Variants in CNTN5 observed in about 807,000 individuals in gnomAD.
CNTN5 encodes the protein contactin-5.
A neutral mutation model predicts 129.1 loss-of-function variants in CNTN5; 77 were observed. The ratio of observed to expected loss-of-function variants is 0.60; its 90% CI spans 0.50 to 0.72. The LOEUF is 0.72. Among genes scored for constraint, CNTN5 ranks in the 30% least tolerant of loss-of-function variants. The pLI is 0.00. For synonymous variants in CNTN5, 509 were observed against 465.6 expected (o/e 1.09, Z -1.20); for missense variants, 1,478 against 1,328.8 (o/e 1.11, Z -1.75).
intron 2 of CNTN5, among the ~76,000 whole-genome samples, chr11:99,517,865 G>A (rs775234206): frequency 2.0e-5 from 3 of 152,078 alleles, no homozygotes; most frequent in African/African-American, 7.2e-5. Flanking sequence ...TTTAGGGTTA[G>A]GACAGGGACA....
At chr11:100,153,187 C>T (rs1271252760) in intron 13 of CNTN5, among the ~76,000 whole-genome samples, 1 of 152,204 alleles carries the variant, frequency 6.6e-6, no homozygotes, top group Admixed American at 6.6e-5. Context: ...TTACATGACA[C>T]TTATTATAAT....
chr11:99,127,737 C>A (rs576148963), intron 1 of CNTN5, among the ~76,000 whole-genome samples: 144 of 152,276 alleles, frequency 9.5e-4, no homozygotes, highest in African/African-American at 3.3e-3. Context: ...AATTGTCCTT[C>A]AAGATATCCA....
At chr11:99,310,862 T>C (rs533290152) in intron 1 of CNTN5, among the ~76,000 whole-genome samples, 5 of 152,214 alleles carry the variant, frequency 3.3e-5, no homozygotes, top group Non-Finnish European at 5.9e-5. Context: ...AATATTTTTC[T>C]GTGTCTATTA....
chr11:99,798,154 A>G (rs1188935231), intron 3 of CNTN5, among the ~76,000 whole-genome samples: 4 of 151,830 alleles, frequency 2.6e-5, no homozygotes, highest in Admixed American at 2.0e-4. Context: ...TTTTCCCTCA[A>G]TGTGTCCATG....
chr11:99,252,921 CTTA>C (rs1352854447), intron 1 of CNTN5, among the ~76,000 whole-genome samples: 1 of 148,160 alleles, frequency 6.7e-6, no homozygotes, highest in Non-Finnish European at 1.5e-5. Context: ...CATTAATATT[CTTA>C]TTATGATGCT....
chr11:100,325,302 C>A (rs1161533763), intron 21 of CNTN5, among the ~76,000 whole-genome samples: 1 of 152,132 alleles, frequency 6.6e-6, no homozygotes, highest in Non-Finnish European at 1.5e-5. Flanking sequence ...AGTGAAATAT[C>A]TGTCCTCTAA....
At chr11:100,057,081 A>C (rs543076503) in intron 9 of CNTN5, among the ~76,000 whole-genome samples, 5 of 151,252 alleles carry the variant, frequency 3.3e-5, no homozygotes, top group Non-Finnish European at 7.4e-5. Flanking sequence ...ATATGTGGCC[A>C]TACGTTTGAT....
At chr11:100,345,133 A>C (rs1565442368) in intron 23 of CNTN5, among the ~76,000 whole-genome samples, 1 of 152,152 alleles carries the variant, frequency 6.6e-6, no homozygotes, top group Non-Finnish European at 1.5e-5. Flanking sequence ...TATTTATAAA[A>C]AACAAAAATT....
rs535915752 is a variant in CNTN5 at position 99,368,714 on chromosome 11, C to A, written c.-71+43230C>A. ...AGAAAATAAGTGCTTAGAAGGAAAA[C>A]AACTTGTTCTAGTTCCCATGGTTAC... On this transcript the variant is annotated intron_variant, in intron 2 of 24. Transcript: ENST00000524871. 1.5e-3 allele frequency among the ~76,000 whole-genome samples: 226 copies of A among 152,160 alleles called. 3 individuals are homozygous for A. Among genetic ancestry groups the A allele is most frequent in the Middle Eastern group, 6.8e-3 (2 of 294 alleles).
chr11:99,777,015 T>A (rs1010419535), intron 3 of CNTN5, among the ~76,000 whole-genome samples: 3 of 151,880 alleles, frequency 2.0e-5, no homozygotes, highest in Non-Finnish European at 2.9e-5. Context: ...ATATTGAGTT[T>A]TTTCATTTGA....
At chr11:99,401,833 A>G (rs1281619111) in intron 2 of CNTN5, among the ~76,000 whole-genome samples, 1 of 137,278 alleles carries the variant, frequency 7.3e-6, no homozygotes, top group East Asian at 2.2e-4. Context: ...GTTTAACTTT[A>G]CTTGTTGCTA....
At position 99,588,111 on chromosome 11, in the gene CNTN5, AGG is replaced by A. The variant is rs1949861093; in HGVS notation, c.55+31843_55+31844del. Among the ~76,000 whole-genome samples the A allele has an allele frequency of 7.2e-5, 11 of 152,272 alleles. No homozygotes were observed. In the South Asian group the frequency reaches 2.3e-3, roughly 32 times the overall value. ...GTAATCCCGGCACTTTGGGAGGCCG[AGG>A]CGGGCGGATCACGATGTCAGGAGAT... On this transcript the variant is annotated intron_variant, in intron 3 of 24. Coordinates refer to ENST00000524871, the MANE Select transcript of CNTN5 (RefSeq NM_014361.4).
At chr11:100,179,393 T>C (rs757193652) in intron 13 of CNTN5, among the ~76,000 whole-genome samples, 2 of 152,064 alleles carry the variant, frequency 1.3e-5, no homozygotes, top group Non-Finnish European at 2.9e-5. Context: ...GGAATAAATG[T>C]GAAACTTCTC....
chr11:100,063,420 C>G (rs1351363918), intron 10 of CNTN5, among the ~76,000 whole-genome samples: 2 of 151,540 alleles, frequency 1.3e-5, no homozygotes, highest in Non-Finnish European at 2.9e-5. Flanking sequence ...GAAAGAGAAA[C>G]TGGGCTGGCT....
intron 2 of CNTN5, among the ~76,000 whole-genome samples, chr11:99,419,572 G>A (rs1251475739): frequency 6.6e-6 from 1 of 152,132 alleles, no homozygotes; most frequent in South Asian, 2.1e-4. Flanking sequence ...TGACAGCAAT[G>A]AAATTAGTGA....
intron 13 of CNTN5, among the ~76,000 whole-genome samples, chr11:100,112,829 A>T (rs992468728): frequency 1.1e-4 from 16 of 152,174 alleles, no homozygotes; most frequent in African/African-American, 3.1e-4. Flanking sequence ...TTGAAGAGGG[A>T]AGAGTGCCTT....
At chr11:99,925,280 G>A (rs1397480434) in intron 7 of CNTN5, among the ~76,000 whole-genome samples, 3 of 152,126 alleles carry the variant, frequency 2.0e-5, no homozygotes, top group African/African-American at 7.2e-5. Flanking sequence ...TGGAGTAAGT[G>A]CATAAAGTGA....
At chr11:100,287,787 G>C (rs1011802525) in intron 18 of CNTN5, among the ~76,000 whole-genome samples, 1 of 152,108 alleles carries the variant, frequency 6.6e-6, no homozygotes, top group African/African-American at 2.4e-5. Context: ...TGGACTAAAT[G>C]CTCCAATTTA....
intron 1 of CNTN5, among the ~76,000 whole-genome samples, chr11:99,294,554 T>C (rs539361746): frequency 2.6e-5 from 4 of 152,334 alleles, no homozygotes; most frequent in African/African-American, 9.6e-5. Flanking sequence ...CCCATGTTCA[T>C]GGATTGGATG....
Sources: allele counts gnomAD v4.1 joint callset (sites outside exome capture counted in the v4.1 genomes callset), GRCh38; gene constraint gnomAD v4.1.1; transcripts MANE v1.5; gene names NCBI Gene and HGNC (gene_info 2026-07-23, HGNC 2026-07-21).